Variants in CALN1 observed in about 807,000 individuals in gnomAD.
The protein encoded by CALN1 is calcium-binding protein 8.
A neutral mutation model predicts 30.6 loss-of-function variants in CALN1; 17 were observed. That is an observed-to-expected ratio of 0.56 (90% confidence interval 0.38 to 0.83). The LOEUF (loss-of-function observed/expected upper bound fraction) is 0.83, where lower values mean the gene tolerates loss of function less well. CALN1 is among the 40% of genes least tolerant of loss of function. CALN1 has a pLI of 0.00. For synonymous variants in CALN1, 156 were observed against 131.4 expected (o/e 1.19, Z -1.28); for missense variants, 291 against 354.9 (o/e 0.82, Z 1.45).
At chr7:72,136,291 C>T (rs1211384279) in intron 3 of CALN1, among the ~76,000 whole-genome samples, 1 of 152,156 alleles carries the variant, frequency 6.6e-6, no homozygotes, top group African/African-American at 2.4e-5. Flanking sequence ...CTTGTTGCTT[C>T]ACCTTGTACT....
intron 2 of CALN1, among the ~76,000 whole-genome samples, chr7:72,370,189 T>C (rs1023839643): frequency 9.9e-5 from 15 of 152,214 alleles, no homozygotes; most frequent in Non-Finnish European, 1.5e-5. Flanking sequence ...CTCATTGTAG[T>C]TCTCATTTAC....
intron 3 of CALN1, among the ~76,000 whole-genome samples, chr7:72,199,418 G>A (rs1314019938): frequency 6.6e-6 from 1 of 152,196 alleles, no homozygotes; most frequent in Non-Finnish European, 1.5e-5. Context: ...AAATCTAGAA[G>A]GAACTGGCCA....
intron 3 of CALN1, among the ~76,000 whole-genome samples, chr7:72,178,746 C>G (rs1338678675): frequency 6.6e-6 from 1 of 151,506 alleles, no homozygotes; most frequent in Non-Finnish European, 1.5e-5. Context: ...TTATTTTTCA[C>G]TTGGGTAATA....
intron 5 of CALN1, among the ~76,000 whole-genome samples, chr7:71,928,245 T>C (rs1376305341): frequency 6.6e-6 from 1 of 152,178 alleles, no homozygotes; most frequent in African/African-American, 2.4e-5. Flanking sequence ...ACCCCACGAC[T>C]TCAGAAATTT....
intron 4 of CALN1, among the ~76,000 whole-genome samples, chr7:72,092,953 G>A (rs377193940): frequency 3.2e-4 from 48 of 152,234 alleles, no homozygotes; most frequent in East Asian, 2.5e-3. Flanking sequence ...ACCAACTCGC[G>A]ATGACACACA....
At chr7:72,358,055 A>G (rs979961483) in intron 2 of CALN1, among the ~76,000 whole-genome samples, 3 of 151,656 alleles carry the variant, frequency 2.0e-5, no homozygotes, top group African/African-American at 7.3e-5. Context: ...GCAATGATGC[A>G]ATCATAACTC....
At chr7:71,866,004 AT>A (rs943105836) in intron 5 of CALN1, among the ~76,000 whole-genome samples, 23 of 151,028 alleles carry the variant, frequency 1.5e-4, no homozygotes, top group Non-Finnish European at 1.5e-4. Flanking sequence ...TACAAGGCAC[AT>A]TTTTTTTCTT....
At chr7:71,969,985 C>A (rs900490651) in intron 5 of CALN1, among the ~76,000 whole-genome samples, 5 of 152,064 alleles carry the variant, frequency 3.3e-5, no homozygotes, top group Non-Finnish European at 7.3e-5. Flanking sequence ...CCACCACTCC[C>A]AGCTAATTTT....
At position 72,356,281 on chromosome 7, in the gene CALN1, T is replaced by A. The variant is rs150524906; in HGVS notation, c.119+46970A>T. Reference sequence around the variant, plus strand: ...TGGAAATACCAAATATGTAGGTAAATCTGAATAACTATTGTATTTTAATCT... The same window carrying A: ...TGGAAATACCAAATATGTAGGTAAAACTGAATAACTATTGTATTTTAATCT... On this transcript the variant is annotated intron_variant, in intron 2 of 6. Transcript: ENST00000395275. Among the ~76,000 whole-genome samples the A allele has an allele frequency of 9.2e-3, 1,385 of 150,270 alleles. 15 individuals are homozygous for A. The highest frequency in any genetic ancestry group is 0.017 in the Middle Eastern group (5 of 290).
intron 3 of CALN1, among the ~76,000 whole-genome samples, chr7:72,235,394 C>T (rs943761616): frequency 2.6e-5 from 4 of 152,110 alleles, no homozygotes; most frequent in African/African-American, 9.7e-5. Context: ...TTAGTATTGT[C>T]CTGGGTGCAT....
intron 2 of CALN1, among the ~76,000 whole-genome samples, chr7:72,302,546 G>A (rs1585415177): frequency 1.3e-5 from 2 of 151,994 alleles, no homozygotes; most frequent in Admixed American, 6.6e-5. Context: ...CAGTACTTTC[G>A]GAGGTGCAGG....
At chr7:72,107,252 C>A (rs1272197717) in intron 3 of CALN1, among the ~76,000 whole-genome samples, 1 of 152,190 alleles carries the variant, frequency 6.6e-6, no homozygotes, top group Non-Finnish European at 1.5e-5. Flanking sequence ...CCTCTGCAGG[C>A]ATATTTCAGA....
chr7:72,069,523 G>T (rs1422497218), intron 4 of CALN1, among the ~76,000 whole-genome samples: 1 of 152,010 alleles, frequency 6.6e-6, no homozygotes, highest in Non-Finnish European at 1.5e-5. Context: ...GTATCCTTTG[G>T]TTTCTGGCTA....
At chr7:72,013,247 A>ATTTTTTTTT (rs1025112311) in intron 5 of CALN1, among the ~76,000 whole-genome samples, 14 of 92,974 alleles carry the variant, frequency 1.5e-4, no homozygotes, top group African/African-American at 5.7e-4. Flanking sequence ...CTAATTTGAG[A>ATTTTTTTTT]TTTTTTTTTT....
At chr7:72,273,321 C>T (rs1353927454) in intron 3 of CALN1, among the ~76,000 whole-genome samples, 1 of 149,606 alleles carries the variant, frequency 6.7e-6, no homozygotes, top group Admixed American at 6.7e-5. Context: ...ACTCAGGAGG[C>T]TGAGGCAGGA....
At chr7:72,321,079 T>A (rs1358892256) in intron 2 of CALN1, among the ~76,000 whole-genome samples, 1 of 152,212 alleles carries the variant, frequency 6.6e-6, no homozygotes, top group Non-Finnish European at 1.5e-5. Flanking sequence ...GTAAGTATGC[T>A]GCCTCAATCT....
intron 3 of CALN1, among the ~76,000 whole-genome samples, chr7:72,150,904 T>TGATGATGATGATGAG (rs1787191628): frequency 6.6e-6 from 1 of 151,756 alleles, no homozygotes; most frequent in Non-Finnish European, 1.5e-5. Context: ...ATGATGATGA[T>TGATGATGATGATGAG]GGTGACGATG....
At chr7:72,114,759 C>T (rs1425906906) in intron 3 of CALN1, among the ~76,000 whole-genome samples, 5 of 152,052 alleles carry the variant, frequency 3.3e-5, no homozygotes, top group South Asian at 2.1e-4. Context: ...TTTGGGAAGC[C>T]GAGGTGGGCA....
the CALN1 span, among the ~76,000 whole-genome samples, chr7:72,489,557 A>G: frequency 3.7e-5 from 1 of 26,816 alleles, no homozygotes; most frequent in African/African-American, 4.5e-4. Context: ...CGCAGAACTC[A>G]TGTTGTTTCT....
Sources: allele counts gnomAD v4.1 joint callset (sites outside exome capture counted in the v4.1 genomes callset), GRCh38; gene constraint gnomAD v4.1.1; transcripts MANE v1.5; gene names NCBI Gene and HGNC (gene_info 2026-07-23, HGNC 2026-07-21).